The following GATAD2A variants were observed in gnomAD, a reference collection of about 807,000 sequenced individuals.
GATAD2A encodes GATA zinc finger domain containing 2A.
Under a neutral mutation model 68.5 loss-of-function variants are expected in GATAD2A, and 12 were observed. The ratio of observed to expected loss-of-function variants is 0.18; its 90% confidence interval spans 0.11 to 0.28. GATAD2A has a LOEUF of 0.28. Ranked by LOEUF, GATAD2A falls within the 10% of genes least tolerant of loss-of-function variation. The pLI, the probability that GATAD2A is intolerant of heterozygous loss-of-function variation, is 1.00. For synonymous variants in GATAD2A, 410 were observed against 375.3 expected, an observed-to-expected ratio of 1.09 and a Z score of -1.07; for missense variants, 755 against 868.5, an observed-to-expected ratio of 0.87 and a Z score of 1.64.
chr19:19,408,168 G>A (rs887105328), intron 1 of GATAD2A, among the ~76,000 whole-genome samples: 2 of 152,116 alleles, frequency 1.3e-5, no homozygotes, highest in Non-Finnish European at 2.9e-5. Flanking sequence ...TGTATTTTTA[G>A]TAGAGACGGG....
At chr19:19,462,147 C>T (rs990032885) in intron 1 of GATAD2A, among the ~76,000 whole-genome samples, 11 of 152,236 alleles carry the variant, frequency 7.2e-5, no homozygotes, top group African/African-American at 2.4e-4. Context: ...TCATCTGTCG[C>T]GCTTTCTTCT....
At chr19:19,486,538 C>T (rs1039906706) in intron 2 of GATAD2A, among the ~76,000 whole-genome samples, 3 of 152,226 alleles carry the variant, frequency 2.0e-5, no homozygotes, top group African/African-American at 7.2e-5. Context: ...GATGCTCCCG[C>T]CCCACCAAAT....
At position 19,505,868 on chromosome 19, in the gene GATAD2A, C is replaced by T. The variant is rs561994755; in HGVS notation, c.*394C>T. On this transcript the variant is annotated 3_prime_UTR_variant, in exon 12 of 12. Coordinates refer to ENST00000683918, the MANE Select transcript of GATAD2A (RefSeq NM_001384528.1). ...CTGTGATGCGCATGGGCAAGGCCAG[C>T]GCCCGGGGCTTCTGAACCGAGCGGG... 1.2e-4 allele frequency: 50 copies of T among 400,876 alleles called. No individual in the cohort carries two copies. The Admixed American group carries it at 1.6e-3, about 13-fold the overall frequency. The allele number at this position is 400,876 out of a possible 1,614,324, so 24.8% of individuals were successfully genotyped here.
intron 1 of GATAD2A, among the ~76,000 whole-genome samples, chr19:19,433,434 C>A (rs117868357): frequency 6.6e-6 from 1 of 152,096 alleles, no homozygotes; most frequent in African/African-American, 2.4e-5. Flanking sequence ...GTTGCACTTC[C>A]GTGTAGATTT....
chr19:19,447,191 G>A (rs2055828344), intron 1 of GATAD2A, among the ~76,000 whole-genome samples: 1 of 152,180 alleles, frequency 6.6e-6, no homozygotes, highest in Non-Finnish European at 1.5e-5. Context: ...GAGGGGAAGC[G>A]TTTCTCACTT....
intron 1 of GATAD2A, among the ~76,000 whole-genome samples, chr19:19,421,908 A>G (rs2052469724): frequency 6.6e-6 from 1 of 150,524 alleles, no homozygotes; most frequent in South Asian, 2.1e-4. Context: ...TGCAACCTCC[A>G]CCCCCTGGGT....
At chr19:19,454,978 G>C (rs1757379339) in intron 1 of GATAD2A, among the ~76,000 whole-genome samples, 1 of 152,210 alleles carries the variant, frequency 6.6e-6, no homozygotes, top group Admixed American at 6.5e-5. Flanking sequence ...TTAATTCGCA[G>C]ACACGCCCAT....
Position 19,452,964 on chromosome 19 carries a change from C to T in GATAD2A, c.-6-12376C>T, listed in dbSNP as rs1236766609. On this transcript the variant is annotated intron_variant, in intron 1 of 11. Coordinates refer to ENST00000683918, the MANE Select transcript of GATAD2A (RefSeq NM_001384528.1). ...CCTGGCACAAACGACCTCGCTCTCC[C>T]TCAGTCCTCAAAGGTGATGGCCAGT... Among the ~76,000 whole-genome samples the T allele has an allele frequency of 2.0e-5, 3 of 152,202 alleles. No homozygotes were observed. In the East Asian group the frequency reaches 5.8e-4, roughly 29 times the overall value.
At chr19:19,413,907 C>T (rs1174584240) in intron 1 of GATAD2A, among the ~76,000 whole-genome samples, 1 of 152,118 alleles carries the variant, frequency 6.6e-6, no homozygotes, top group Non-Finnish European at 1.5e-5. Context: ...TTTATTAATA[C>T]GTTCGTTTGA....
At chr19:19,454,332 C>T (rs1326548799) in intron 1 of GATAD2A, among the ~76,000 whole-genome samples, 2 of 150,212 alleles carry the variant, frequency 1.3e-5, no homozygotes, top group African/African-American at 4.9e-5. Context: ...TGCAGTGGCT[C>T]ACTGCCTGTA....
intron 1 of GATAD2A, among the ~76,000 whole-genome samples, chr19:19,447,650 A>T (rs1461114948): frequency 6.6e-6 from 1 of 152,210 alleles, no homozygotes; most frequent in African/African-American, 2.4e-5. Flanking sequence ...CGTTGAGAGC[A>T]GATAGTTTGT....
upstream of GATAD2A, among the ~76,000 whole-genome samples, chr19:19,404,673 ACT>A (rs56218506): frequency 0.16 from 23,910 of 151,944 alleles, 1,985 homozygotes; most frequent in Middle Eastern, 0.28. Context: ...ACAGAGCAAG[ACT>A]CTGTCTCCAA....
At chr19:19,470,977 C>G (rs2058261492) in intron 2 of GATAD2A, among the ~76,000 whole-genome samples, 1 of 152,160 alleles carries the variant, frequency 6.6e-6, no homozygotes, top group East Asian at 1.9e-4. Flanking sequence ...GAAGCAGGGC[C>G]AGGCACAGTG....
chr19:19,404,462 C>G (rs150416141), upstream of GATAD2A, among the ~76,000 whole-genome samples: 1 of 151,850 alleles, frequency 6.6e-6, no homozygotes, highest in Non-Finnish European at 1.5e-5. Context: ...GAACAGATCA[C>G]GACATCAGGA....
intron 2 of GATAD2A, among the ~76,000 whole-genome samples, chr19:19,474,679 C>T (rs559806327): frequency 4.6e-4 from 70 of 152,302 alleles, no homozygotes; most frequent in African/African-American, 1.6e-3. Flanking sequence ...TTTGTGGGTA[C>T]GAGTCAGCAT....
intron 2 of GATAD2A, among the ~76,000 whole-genome samples, chr19:19,482,605 A>G (rs549321652): frequency 6.6e-6 from 1 of 152,076 alleles, no homozygotes; most frequent in East Asian, 1.9e-4. Context: ...GCCCTCCCTT[A>G]AGATTGTTCC....
intron 2 of GATAD2A, among the ~76,000 whole-genome samples, chr19:19,478,604 GA>G (rs989306380): frequency 6.6e-6 from 1 of 150,900 alleles, no homozygotes; most frequent in East Asian, 1.9e-4. Context: ...AAAAAAAAAA[GA>G]AAAAAAATTT....
At chr19:19,437,492 A>G (rs1382203049) in intron 1 of GATAD2A, among the ~76,000 whole-genome samples, 1 of 152,162 alleles carries the variant, frequency 6.6e-6, no homozygotes. Context: ...TCAGTTTTTT[A>G]TATATATTCA....
At chr19:19,453,484 C>A (rs960811758) in intron 1 of GATAD2A, among the ~76,000 whole-genome samples, 2 of 152,074 alleles carry the variant, frequency 1.3e-5, no homozygotes, top group Non-Finnish European at 2.9e-5. Context: ...ATTTAATTTA[C>A]ACGTTCGAGT....
Sources: allele counts gnomAD v4.1 joint callset (sites outside exome capture counted in the v4.1 genomes callset), GRCh38; gene constraint gnomAD v4.1.1; transcripts MANE v1.5; gene names NCBI Gene and HGNC (gene_info 2026-07-23, HGNC 2026-07-21).